The following CSMD1 variants were observed in gnomAD, a reference collection of about 807,000 sequenced individuals.
CSMD1 encodes the protein CUB and sushi domain-containing protein 1.
In CSMD1, 213 loss-of-function variants were observed where a neutral mutation model predicts 417.5. The ratio of observed to expected loss-of-function variants is 0.51; its 90% CI spans 0.46 to 0.57. The LOEUF is 0.57. Among genes scored for constraint, CSMD1 ranks in the 20% least tolerant of loss-of-function variants. CSMD1 has a pLI of 0.00. For missense variants in CSMD1, 6,923 were observed against 4,529.7 expected (o/e 1.53, Z -15.17); for synonymous variants, 2,862 against 1,736.8 (o/e 1.65, Z -16.11).
chr8:3,381,503 G>A (rs149632339), intron 18 of CSMD1, among the ~76,000 whole-genome samples: 2 of 152,172 alleles, frequency 1.3e-5, no homozygotes, highest in Admixed American at 1.3e-4. Context: ...AGTTACACAT[G>A]AAGAAAACTT....
At chr8:3,183,689 G>A (rs998259941) in intron 36 of CSMD1, among the ~76,000 whole-genome samples, 1 of 152,224 alleles carries the variant, frequency 6.6e-6, no homozygotes, top group African/African-American at 2.4e-5. Flanking sequence ...GAAACATCGA[G>A]TAGGTCTCTA....
intron 3 of CSMD1, among the ~76,000 whole-genome samples, chr8:4,366,410 T>A (rs977812728): frequency 6.6e-6 from 1 of 152,190 alleles, no homozygotes; most frequent in African/African-American, 2.4e-5. Flanking sequence ...CGTGTCTTTT[T>A]GACAGAATGA....
At chr8:4,639,502 C>A (rs536633036) in intron 1 of CSMD1, among the ~76,000 whole-genome samples, 2 of 152,094 alleles carry the variant, frequency 1.3e-5, no homozygotes, top group African/African-American at 2.4e-5. Context: ...TTAAGTAGCT[C>A]GCAAAAACTG....
Position 4,366,378 on chromosome 8 carries a change from C to A in CSMD1, c.415+53575G>T, listed in dbSNP as rs946606531. On this transcript the variant is annotated intron_variant, in intron 3 of 69. Transcript: ENST00000635120. ...CACGTGTTTACCATTGAGAATAGCA[C>A]TGCAATGAACATATGCATGCACGTG... Among the ~76,000 whole-genome samples, 4 of 152,138 alleles carry A rather than the reference C, an allele frequency of 2.6e-5. 1 individual carries two copies. The highest frequency in any genetic ancestry group is 4.4e-5 in the Non-Finnish European group (3 of 68,044).
chr8:3,810,492 C>G (rs946992369), intron 5 of CSMD1, among the ~76,000 whole-genome samples: 1 of 152,034 alleles, frequency 6.6e-6, no homozygotes, highest in Non-Finnish European at 1.5e-5. Flanking sequence ...CCTTTGGGAC[C>G]TGGGGCTGGT....
At chr8:3,208,983 G>T (rs1029284472) in intron 30 of CSMD1, among the ~76,000 whole-genome samples, 4 of 152,082 alleles carry the variant, frequency 2.6e-5, no homozygotes, top group African/African-American at 9.7e-5. Flanking sequence ...TATTCCATTA[G>T]TTCTGTCCCT....
Position 4,231,288 on chromosome 8 carries a change from G to A in CSMD1, c.415+188665C>T, listed in dbSNP as rs76418009. Among the ~76,000 whole-genome samples the A allele has an allele frequency of 2.5e-3, 385 of 152,282 alleles. 2 individuals carry two copies. The highest frequency in any genetic ancestry group is 9.1e-3 in the African/African-American group (377 of 41,548). On this transcript the variant is annotated intron_variant, in intron 3 of 69. Coordinates refer to ENST00000635120, the MANE Select transcript of CSMD1 (RefSeq NM_033225.6). ...CTGTTACCAGAGGCAGTGATGCTAA[G>A]AAAAGCGTGTGAGGCTCAGAGTCAT...
At chr8:3,615,903 A>G (rs1389611717) in intron 8 of CSMD1, among the ~76,000 whole-genome samples, 1 of 152,190 alleles carries the variant, frequency 6.6e-6, no homozygotes, top group Non-Finnish European at 1.5e-5. Context: ...TCACTGAAAT[A>G]AGTGCAAAAA....
intron 7 of CSMD1, among the ~76,000 whole-genome samples, chr8:3,618,311 T>A (rs572351520): frequency 1.4e-4 from 22 of 152,314 alleles, no homozygotes; most frequent in Admixed American, 1.4e-3. Context: ...AGTCAAAATT[T>A]ATCTTTTACT....
chr8:4,730,500 G>T (rs973381248), intron 1 of CSMD1, among the ~76,000 whole-genome samples: 4 of 152,092 alleles, frequency 2.6e-5, no homozygotes, highest in African/African-American at 4.8e-5. Flanking sequence ...CAGCACTTTG[G>T]GAGGCTGAGG....
At chr8:3,856,661 G>A (rs1804334950) in intron 5 of CSMD1, among the ~76,000 whole-genome samples, 1 of 152,166 alleles carries the variant, frequency 6.6e-6, no homozygotes, top group African/African-American at 2.4e-5. Flanking sequence ...GCACCCCAGG[G>A]AACTCCTAAG....
At chr8:4,759,989 G>A (rs1201775010) in intron 1 of CSMD1, among the ~76,000 whole-genome samples, 7 of 152,192 alleles carry the variant, frequency 4.6e-5, no homozygotes, top group Admixed American at 4.6e-4. Context: ...AATCACCACA[G>A]TGTCTTCCAC....
intron 1 of CSMD1, among the ~76,000 whole-genome samples, chr8:4,717,558 C>A (rs935846876): frequency 2.3e-5 from 3 of 133,126 alleles, no homozygotes; most frequent in Admixed American, 2.2e-4. Context: ...ACCTATCTAT[C>A]TATCTATCCA....
At chr8:3,339,680 A>T (rs1488457867) in intron 23 of CSMD1, among the ~76,000 whole-genome samples, 1 of 152,226 alleles carries the variant, frequency 6.6e-6, no homozygotes, top group Admixed American at 6.5e-5. Flanking sequence ...CTTGCCTGAT[A>T]CAGCTCTGTG....
At chr8:3,344,346 G>A (rs529165107) in intron 22 of CSMD1, among the ~76,000 whole-genome samples, 3 of 152,260 alleles carry the variant, frequency 2.0e-5, no homozygotes, top group South Asian at 4.1e-4. Context: ...TAATGCATGC[G>A]GGGCTTAAAA....
At chr8:4,274,531 T>C (rs1007020348) in intron 3 of CSMD1, among the ~76,000 whole-genome samples, 2 of 152,166 alleles carry the variant, frequency 1.3e-5, no homozygotes, top group African/African-American at 4.8e-5. Flanking sequence ...GTCCACAAAT[T>C]ATAGTAAGAG....
chr8:4,092,509 G>A (rs1388798084), intron 3 of CSMD1, among the ~76,000 whole-genome samples: 1 of 152,008 alleles, frequency 6.6e-6, no homozygotes, highest in Admixed American at 6.6e-5. Flanking sequence ...GTTTCAGTAG[G>A]CATATTTAAA....
intron 1 of CSMD1, among the ~76,000 whole-genome samples, chr8:4,642,275 G>A (rs1284794819): frequency 1.3e-5 from 2 of 152,186 alleles, no homozygotes; most frequent in African/African-American, 4.8e-5. Context: ...GGCTCACTGT[G>A]TCCTATGACA....
At chr8:3,363,610 C>A (rs1467300747) in intron 20 of CSMD1, among the ~76,000 whole-genome samples, 2 of 152,146 alleles carry the variant, frequency 1.3e-5, no homozygotes, top group African/African-American at 4.8e-5. Flanking sequence ...TCACTGCAAG[C>A]TCCGCTTCCC....
Sources: allele counts gnomAD v4.1 joint callset (sites outside exome capture counted in the v4.1 genomes callset), GRCh38; gene constraint gnomAD v4.1.1; transcripts MANE v1.5; gene names NCBI Gene and HGNC (gene_info 2026-07-23, HGNC 2026-07-21).